NAA11: variants seen among roughly 807,000 people sequenced by gnomAD.
NAA11 encodes the protein N-alpha-acetyltransferase 11.
NAA11 carries 15 observed loss-of-function variants against 16.1 expected under a neutral mutation model. The observed-to-expected ratio is 0.93, with a 90% CI of 0.62 to 1.44. The LOEUF (loss-of-function observed/expected upper bound fraction) is 1.44, where lower values mean the gene tolerates loss of function less well. Among genes scored for constraint, NAA11 ranks in the 40% most tolerant of loss-of-function variants. The probability of loss-of-function intolerance (pLI) is 0.00; values close to 1 mark genes in which losing one functional copy is unlikely to be tolerated. For missense variants in NAA11, 298 were observed against 291.3 expected (o/e 1.02, Z -0.17); for synonymous variants, 122 against 112.4 (o/e 1.09, Z -0.54).
chr4:79,176,103 G>T, the NAA11 span, among the ~76,000 whole-genome samples: 1 of 152,108 alleles, frequency 6.6e-6, no homozygotes, highest in African/African-American at 2.4e-5. Flanking sequence ...AAATAAAAAG[G>T]AATCAGATGG....
At chr4:79,232,671 A>C (rs1301683404) in intron 2 of NAA11, among the ~76,000 whole-genome samples, 1 of 151,978 alleles carries the variant, frequency 6.6e-6, no homozygotes, top group African/African-American at 2.4e-5. Flanking sequence ...GGCATATCAT[A>C]TGAAATGAGA....
At chr4:79,240,025 T>A (rs1721655897) in intron 2 of NAA11, among the ~76,000 whole-genome samples, 1 of 152,196 alleles carries the variant, frequency 6.6e-6, no homozygotes, top group African/African-American at 2.4e-5. Context: ...GGAAATGGTG[T>A]CAGATTAATT....
intron 2 of NAA11, among the ~76,000 whole-genome samples, chr4:79,278,158 C>T (rs1722705353): frequency 6.6e-6 from 1 of 152,002 alleles, no homozygotes; most frequent in African/African-American, 2.4e-5. Context: ...CCTCTTCTTT[C>T]CTCTCCACTG....
Position 79,237,170 on chromosome 4 carries a change from A to G in NAA11, c.*123-10900T>C, listed in dbSNP as rs111569930. On this transcript the variant is annotated intron_variant and NMD_transcript_variant, in intron 2 of 2. Transcript: ENST00000511542. ...AAACTGTCTTTTATTTATGGCCAAA[A>G]TTTACTGTATATCAGGGAACATCTG... 3.3e-5 allele frequency among the ~76,000 whole-genome samples: 5 copies of G among 152,228 alleles called. No homozygotes were observed. The South Asian group carries it at 8.3e-4, about 25-fold the overall frequency.
chr4:79,197,676 G>A, the NAA11 span: 1 of 152,022 alleles, frequency 6.6e-6, no homozygotes, highest in East Asian at 1.9e-4. Flanking sequence ...CTCTATGCTA[G>A]TAGTGTTACT....
At chr4:79,166,880 A>C in the NAA11 span, among the ~76,000 whole-genome samples, 9 of 147,186 alleles carry the variant, frequency 6.1e-5, no homozygotes, top group African/African-American at 2.3e-4. Flanking sequence ...AAAGAAAAAA[A>C]AATTACAGGC....
the NAA11 span, among the ~76,000 whole-genome samples, chr4:79,168,215 G>A: frequency 2.0e-5 from 3 of 151,936 alleles, no homozygotes; most frequent in African/African-American, 4.8e-5. Context: ...CTTTTTTATG[G>A]CTGCATAGTA....
At chr4:79,203,712 T>G in the NAA11 span, among the ~76,000 whole-genome samples, 1 of 151,196 alleles carries the variant, frequency 6.6e-6, no homozygotes, top group Admixed American at 6.6e-5. Flanking sequence ...GACAAGTTGT[T>G]CAAAAATATT....
At chr4:79,266,839 G>A (rs1722355262) in intron 2 of NAA11, among the ~76,000 whole-genome samples, 3 of 152,044 alleles carry the variant, frequency 2.0e-5, no homozygotes. Context: ...CAAGAGGAAG[G>A]AAAAGATACA....
At chr4:79,274,066 C>T (rs1446488104) in intron 2 of NAA11, among the ~76,000 whole-genome samples, 1 of 152,032 alleles carries the variant, frequency 6.6e-6, no homozygotes, top group African/African-American at 2.4e-5. Context: ...GCCTTGACAA[C>T]TTGTGATGGT....
At chr4:79,157,595 G>GTA in the NAA11 span, among the ~76,000 whole-genome samples, 1 of 151,284 alleles carries the variant, frequency 6.6e-6, no homozygotes, top group African/African-American at 2.4e-5. Context: ...ACGTGTGTGT[G>GTA]TATATACACA....
At chr4:79,217,666 G>T in the NAA11 span, among the ~76,000 whole-genome samples, 1 of 152,122 alleles carries the variant, frequency 6.6e-6, no homozygotes, top group Admixed American at 6.6e-5. Context: ...AATTACACTT[G>T]AGCTAAACTA....
downstream of NAA11, among the ~76,000 whole-genome samples, chr4:79,314,381 C>T (rs1723867815): frequency 6.6e-6 from 1 of 151,938 alleles, no homozygotes; most frequent in South Asian, 2.1e-4. Context: ...AAGAATTCAA[C>T]GCCTTGTACT....
the NAA11 span, among the ~76,000 whole-genome samples, chr4:79,203,529 C>T: frequency 2.0e-5 from 3 of 151,640 alleles, no homozygotes; most frequent in East Asian, 5.8e-4. Flanking sequence ...TTATAAGATG[C>T]ACAGTGTTTG....
chr4:79,242,441 G>A (rs1199797090), intron 2 of NAA11, among the ~76,000 whole-genome samples: 2 of 152,184 alleles, frequency 1.3e-5, no homozygotes, highest in Admixed American at 6.5e-5. Flanking sequence ...AGTCTGGCCT[G>A]GGGAAACCCA....
the NAA11 span, among the ~76,000 whole-genome samples, chr4:79,177,010 T>C: frequency 6.6e-6 from 1 of 152,264 alleles, no homozygotes; most frequent in Middle Eastern, 3.4e-3. Flanking sequence ...CTGTAAGCCC[T>C]ATAAATAGTC....
chr4:79,205,399 G>A, the NAA11 span, among the ~76,000 whole-genome samples: 2 of 151,864 alleles, frequency 1.3e-5, no homozygotes, highest in African/African-American at 2.4e-5. Context: ...TTGGTCATTT[G>A]TATATCTTCT....
the NAA11 span, among the ~76,000 whole-genome samples, chr4:79,205,132 G>C: frequency 2.8e-4 from 42 of 152,104 alleles, no homozygotes; most frequent in East Asian, 8.1e-3. Context: ...AAATAGATAT[G>C]TGAGGTTGTA....
At chr4:79,170,867 T>G in the NAA11 span, among the ~76,000 whole-genome samples, 2 of 152,058 alleles carry the variant, frequency 1.3e-5, no homozygotes, top group African/African-American at 2.4e-5. Context: ...CAAGAAAAAT[T>G]TATCTTTGAT....
Sources: allele counts gnomAD v4.1 joint callset (sites outside exome capture counted in the v4.1 genomes callset), GRCh38; gene constraint gnomAD v4.1.1; transcripts MANE v1.5; gene names NCBI Gene and HGNC (gene_info 2026-07-23, HGNC 2026-07-21).